Variants in MARCHF1 observed in about 807,000 individuals in gnomAD.
MARCHF1 encodes the protein E3 ubiquitin-protein ligase MARCHF1.
MARCHF1 carries 40 observed loss-of-function variants against 54.2 expected under a neutral mutation model. The observed-to-expected ratio is 0.74, with a 90% CI of 0.57 to 0.96. MARCHF1 has a LOEUF of 0.96. Ranked by LOEUF, MARCHF1 falls within the 40% of genes least tolerant of loss-of-function variation. The probability of loss-of-function intolerance (pLI) is 0.00; values close to 1 mark genes in which losing one functional copy is unlikely to be tolerated. For missense variants in MARCHF1, 586 were observed against 656.5 expected (o/e 0.89, Z 1.17); for synonymous variants, 236 against 236.3 (o/e 1.00, Z 0.01).
At chr4:163,854,198 G>C in intron 3 of MARCHF1, 29 bp from the exon 4 acceptor site, 15 of 1,441,042 alleles carry the variant, frequency 1.0e-5, no homozygotes, top group Non-Finnish European at 1.3e-5. Flanking sequence ...CCCTGAAACA[G>C]GTCACTTATT....
At position 163,599,610 on chromosome 4, in the gene MARCHF1, C is replaced by T. The variant is rs181424146; in HGVS notation, c.1010+12661G>A. 1.6e-3 allele frequency among the ~76,000 whole-genome samples: 243 copies of T among 152,262 alleles called. 1 individual carries two copies. The highest frequency in any genetic ancestry group is 9.6e-4 in the East Asian group (5 of 5,182). ...TATCCCCATGCACAGTGAACACACT[C>T]TATTGCAATTTATTGTTTTATTATC... On this transcript the variant is annotated intron_variant, in intron 7 of 9. Coordinates refer to ENST00000514618, the MANE Select transcript of MARCHF1 (RefSeq NM_001394959.1).
At chr4:164,313,413 A>G (rs1191884445) in intron 1 of MARCHF1, among the ~76,000 whole-genome samples, 1 of 151,874 alleles carries the variant, frequency 6.6e-6, no homozygotes, top group Non-Finnish European at 1.5e-5. Context: ...ACTCCTTAAA[A>G]AACAGAACTT....
intron 8 of MARCHF1, among the ~76,000 whole-genome samples, chr4:163,577,294 T>A (rs567012243): frequency 6.6e-6 from 1 of 152,184 alleles, no homozygotes; most frequent in South Asian, 2.1e-4. Flanking sequence ...ATTCCCTTAG[T>A]GCTTGCTTGT....
Position 164,307,005 on chromosome 4 carries a change from T to C in MARCHF1, c.-323+76865A>G, listed in dbSNP as rs116031479. Among the ~76,000 whole-genome samples, 1,113 of 152,302 alleles carry C rather than the reference T, an allele frequency of 7.3e-3. 12 individuals carry two copies. The highest frequency in any genetic ancestry group is 0.025 in the African/African-American group (1,042 of 41,566). ...AGCCTGTAATGATTTTCTTCTCATT[T>C]TTTAGCTATATAAAGTTAAAATTTA... On this transcript the variant is annotated intron_variant, in intron 1 of 9. Coordinates refer to ENST00000514618, the MANE Select transcript of MARCHF1 (RefSeq NM_001394959.1).
intron 2 of MARCHF1, among the ~76,000 whole-genome samples, chr4:163,995,032 C>T (rs922671918): frequency 5.9e-5 from 9 of 152,008 alleles, no homozygotes; most frequent in Non-Finnish European, 8.8e-5. Flanking sequence ...AGCCGGGTGT[C>T]ACCCAAATTC....
rs569909999 is a variant in MARCHF1, at chr4:164,188,682, C to A, written c.-322-77020G>T. ...GACGCCAAGTGGCTCATCGGCCGCA[C>A]GTGGAACGACCTGTCTATGCAGCAG... On this transcript the variant is annotated intron_variant, in intron 1 of 9. Transcript: ENST00000514618. 7 of 1,106,356 alleles carry A rather than the reference C, an allele frequency of 6.3e-6. No individual in the cohort carries two copies. The Admixed American group carries it at 1.0e-4, about 16-fold the overall frequency. The allele number at this position is 1,106,356 out of a possible 1,614,324, so 68.5% of individuals were successfully genotyped here. A position where few individuals can be genotyped will look rare whatever the true frequency, so the allele number is the denominator to read the frequency against.
chr4:163,934,980 C>A (rs1751762808), intron 3 of MARCHF1, among the ~76,000 whole-genome samples: 1 of 152,052 alleles, frequency 6.6e-6, no homozygotes, highest in Non-Finnish European at 1.5e-5. Context: ...ATGGCAGCTA[C>A]AGTACAGCCT....
chr4:163,541,853 TAAAG>T (rs1476170216), intron 9 of MARCHF1, among the ~76,000 whole-genome samples: 6 of 152,146 alleles, frequency 3.9e-5, no homozygotes, highest in Admixed American at 3.9e-4. Flanking sequence ...ACAGGAAGAT[TAAAG>T]AAATAACAGT....
chr4:163,567,147 T>C (rs1739671377), intron 8 of MARCHF1, among the ~76,000 whole-genome samples: 1 of 152,106 alleles, frequency 6.6e-6, no homozygotes. Flanking sequence ...CAAAAAATTC[T>C]AGCTACAGCA....
intron 4 of MARCHF1, among the ~76,000 whole-genome samples, chr4:163,780,252 T>C (rs1478018878): frequency 2.6e-5 from 4 of 152,192 alleles, no homozygotes; most frequent in African/African-American, 9.7e-5. Context: ...CTTTCTCATA[T>C]GTGGCTGTGA....
At chr4:164,106,575 A>G (rs1208276429) in intron 2 of MARCHF1, among the ~76,000 whole-genome samples, 3 of 143,188 alleles carry the variant, frequency 2.1e-5, no homozygotes, top group Non-Finnish European at 4.5e-5. Flanking sequence ...ATGAGATCAC[A>G]TGGACACAGG....
At chr4:163,985,945 T>C (rs944913918) in intron 3 of MARCHF1, among the ~76,000 whole-genome samples, 2 of 152,180 alleles carry the variant, frequency 1.3e-5, no homozygotes, top group Admixed American at 1.3e-4. Flanking sequence ...ACAGAAATCA[T>C]TGATTCTTCT....
At chr4:163,887,691 C>T (rs1027459343) in intron 3 of MARCHF1, among the ~76,000 whole-genome samples, 1 of 152,186 alleles carries the variant, frequency 6.6e-6, no homozygotes. Context: ...CCCTTATCTA[C>T]ACCAAGAAAA....
At chr4:164,292,125 A>G (rs1376180219) in intron 1 of MARCHF1, among the ~76,000 whole-genome samples, 1 of 152,098 alleles carries the variant, frequency 6.6e-6, no homozygotes, top group East Asian at 1.9e-4. Flanking sequence ...CACATTTGCT[A>G]TTTAAAACTT....
chr4:164,233,436 C>G (rs535066067), intron 1 of MARCHF1, among the ~76,000 whole-genome samples: 1 of 152,128 alleles, frequency 6.6e-6, no homozygotes, highest in African/African-American at 2.4e-5. Context: ...TAAGATATTG[C>G]CACTGACTAA....
intron 3 of MARCHF1, among the ~76,000 whole-genome samples, chr4:163,867,220 C>T (rs1373305435): frequency 6.6e-6 from 1 of 151,810 alleles, no homozygotes; most frequent in Admixed American, 6.6e-5. Flanking sequence ...GTCTGAGACG[C>T]CCAACATAAA....
intron 3 of MARCHF1, among the ~76,000 whole-genome samples, chr4:163,973,226 T>C (rs1332451471): frequency 6.6e-6 from 1 of 152,222 alleles, no homozygotes; most frequent in Non-Finnish European, 1.5e-5. Context: ...ATAGTAACTT[T>C]CAACAACTTG....
chr4:164,176,416 TG>T (rs1234657880), intron 1 of MARCHF1, among the ~76,000 whole-genome samples: 6 of 152,288 alleles, frequency 3.9e-5, no homozygotes, highest in African/African-American at 7.2e-5. Flanking sequence ...TTGCTATGGA[TG>T]TTTTTTTCTG....
chr4:164,092,832 T>C (rs1560900138), intron 2 of MARCHF1, among the ~76,000 whole-genome samples: 2 of 152,308 alleles, frequency 1.3e-5, no homozygotes, highest in East Asian at 3.9e-4. Context: ...GATTTCTTGA[T>C]CTACACTGGA....
Sources: allele counts gnomAD v4.1 joint callset (sites outside exome capture counted in the v4.1 genomes callset), GRCh38; gene constraint gnomAD v4.1.1; transcripts MANE v1.5; gene names NCBI Gene and HGNC (gene_info 2026-07-23, HGNC 2026-07-21).